The following FLRT2 variants were observed in gnomAD, a reference collection of about 807,000 sequenced individuals.
FLRT2 encodes leucine-rich repeat transmembrane protein FLRT2.
In FLRT2, 15 loss-of-function variants were observed where a neutral mutation model predicts 40.0. The ratio of observed to expected loss-of-function variants is 0.38; its 90% CI spans 0.25 to 0.58. The LOEUF (loss-of-function observed/expected upper bound fraction) is 0.58, where lower values mean the gene tolerates loss of function less well. Ranked by LOEUF, FLRT2 falls within the 20% of genes least tolerant of loss-of-function variation. The pLI is 0.71. For missense variants in FLRT2, 726 were observed against 840.0 expected, an observed-to-expected ratio of 0.86 and a Z score of 1.68; for synonymous variants, 380 against 336.8, an observed-to-expected ratio of 1.13 and a Z score of -1.41.
At position 85,535,902 on chromosome 14, in the gene FLRT2, T is replaced by G. The variant is rs945581968; in HGVS notation, c.-377+5368T>G. Among the ~76,000 whole-genome samples the G allele has an allele frequency of 8.1e-4, 60 of 74,226 alleles. No homozygotes were observed. In the East Asian group the frequency reaches 8.2e-3, roughly 10 times the overall value. The allele number at this position is 74,226 out of a possible 152,430, so 48.7% of individuals were successfully genotyped here. A position where few individuals can be genotyped will look rare whatever the true frequency, so the allele number is the denominator to read the frequency against. On this transcript the variant is annotated intron_variant, in intron 1 of 1. Coordinates refer to ENST00000330753, the MANE Select transcript of FLRT2 (RefSeq NM_013231.6). ...CATGGAAGGAATGCTGTTTTTTTTT[T>G]TTTTTTTTTTTTTTTTTTTGTTGTT... is the stretch of plus-strand genomic sequence containing the variant.
chr14:85,536,308 G>A (rs1417610811), intron 1 of FLRT2, among the ~76,000 whole-genome samples: 1 of 149,382 alleles, frequency 6.7e-6, no homozygotes, highest in Non-Finnish European at 1.5e-5. Context: ...GAGACCCAGT[G>A]TGAACATCTG....
intron 1 of FLRT2, among the ~76,000 whole-genome samples, chr14:85,599,622 C>T (rs1044999654): frequency 6.6e-6 from 1 of 152,216 alleles, no homozygotes; most frequent in African/African-American, 2.4e-5. Context: ...TACAACTAAA[C>T]AAACTTAAGT....
intron 1 of FLRT2, among the ~76,000 whole-genome samples, chr14:85,539,055 A>G (rs544227224): frequency 4.8e-4 from 73 of 152,288 alleles, no homozygotes; most frequent in African/African-American, 1.5e-3. Context: ...CATAGGGGCC[A>G]TAGAGGTTCC....
At chr14:85,556,458 A>G (rs1889970000) in intron 1 of FLRT2, among the ~76,000 whole-genome samples, 1 of 152,292 alleles carries the variant, frequency 6.6e-6, no homozygotes, top group Non-Finnish European at 1.5e-5. Context: ...GGGAGGACAC[A>G]TGTTTCTGGG....
chr14:85,599,111 A>C (rs1892269979), intron 1 of FLRT2, among the ~76,000 whole-genome samples: 1 of 151,488 alleles, frequency 6.6e-6, no homozygotes, highest in Non-Finnish European at 1.5e-5. Flanking sequence ...TAGTAGAGAC[A>C]GGTTTTCACT....
Position 85,635,989 on chromosome 14 carries a change from A to C in FLRT2, c.*12492A>C, listed in dbSNP as rs1893989815. 1 of 152,122 alleles carries C rather than the reference A, an allele frequency of 6.6e-6. No individual in the cohort carries two copies. The highest frequency in any genetic ancestry group is 1.5e-5 in the Non-Finnish European group (1 of 67,978). 9.4% of individuals were successfully genotyped at this position (152,122 alleles called of 1,614,324 possible). The stretch of plus-strand genomic sequence containing the variant: ...ACTTCCAATAATTGATAATAGTCTA[A>C]TGATTGATATTTTAAATTAATGGCT... On this transcript the variant is annotated 3_prime_UTR_variant, in exon 2 of 2. Transcript: ENST00000330753.
intron 1 of FLRT2, among the ~76,000 whole-genome samples, chr14:85,552,203 TC>T (rs1349479183): frequency 6.6e-6 from 1 of 152,218 alleles, no homozygotes; most frequent in Non-Finnish European, 1.5e-5. Context: ...ATTCTCAGAA[TC>T]TAGGGAGCTT....
chr14:85,611,878 T>C (rs1384747959), intron 1 of FLRT2, among the ~76,000 whole-genome samples: 1 of 143,450 alleles, frequency 7.0e-6, no homozygotes, highest in Non-Finnish European at 1.6e-5. Flanking sequence ...TACCTTTTCA[T>C]GTGAGGGGAG....
intron 1 of FLRT2, among the ~76,000 whole-genome samples, chr14:85,599,339 C>G (rs1360602339): frequency 6.6e-6 from 1 of 151,050 alleles, no homozygotes; most frequent in Non-Finnish European, 1.5e-5. Context: ...CATATTTTGG[C>G]TGCTGCCTCT....
chr14:85,609,510 G>A (rs1475018871), intron 1 of FLRT2, among the ~76,000 whole-genome samples: 1 of 152,222 alleles, frequency 6.6e-6, no homozygotes, highest in Non-Finnish European at 1.5e-5. Context: ...AGTTAATGGA[G>A]GTGGCTGTTT....
At chr14:85,531,825 C>A (rs1170894842) in intron 1 of FLRT2, among the ~76,000 whole-genome samples, 2 of 152,204 alleles carry the variant, frequency 1.3e-5, no homozygotes, top group African/African-American at 4.8e-5. Flanking sequence ...CATAATGCAA[C>A]AGGAACAGCG....
In FLRT2 at chr14:85,629,963, A is replaced by C. The variant is rs1893823733; in HGVS notation, c.*6466A>C. On this transcript the variant is annotated 3_prime_UTR_variant, in exon 2 of 2. Transcript: ENST00000330753. ...ATGTCTGTACCCATAGGGTGAGCTG[A>C]AAGAGCTACTAAAAGGTCTTCAGTT... 1 of 152,210 alleles carries C rather than the reference A, an allele frequency of 6.6e-6. No individual in the cohort carries two copies. Among genetic ancestry groups the C allele is most frequent in the Non-Finnish European group, 1.5e-5 (1 of 68,036 alleles). 9.4% of individuals were successfully genotyped at this position (152,210 alleles called of 1,614,324 possible).
Position 85,621,380 on chromosome 14 carries a change from C to A in FLRT2, c.-135C>A. 2.7e-6 allele frequency: 2 copies of A among 731,088 alleles called. No homozygotes were observed. Among genetic ancestry groups the A allele is most frequent in the South Asian group, 2.0e-5 (1 of 50,990 alleles). The allele number at this position is 731,088 out of a possible 1,614,324, so 45.3% of individuals were successfully genotyped here. A position where few individuals can be genotyped will look rare whatever the true frequency, so the allele number is the denominator to read the frequency against. ...ACAGCAGGGAGATTATTTTACCATA[C>A]GCCCTCAGGACGTTCCCTCTAGCTG... On this transcript the variant is annotated 5_prime_UTR_variant, in exon 2 of 2. Transcript: ENST00000330753.
At position 85,639,712 on chromosome 14, in the gene FLRT2, A is replaced by G. The variant is rs1343482047; in HGVS notation, c.*16215A>G. On this transcript the variant is annotated 3_prime_UTR_variant, in exon 2 of 2. Coordinates refer to ENST00000330753, the MANE Select transcript of FLRT2 (RefSeq NM_013231.6). ...TAAAGATGGAAACACTGAAGCCCCC[A>G]GAAAGGACTGGCTAAGCTCTTACAA... is the stretch of plus-strand genomic sequence containing the variant. 1.3e-5 allele frequency: 2 copies of G among 152,176 alleles called. No individual in the cohort carries two copies. The highest frequency in any genetic ancestry group is 4.8e-5 in the African/African-American group (2 of 41,428). The allele number at this position is 152,176 out of a possible 1,614,324, so 9.4% of individuals were successfully genotyped here. A position where few individuals can be genotyped will look rare whatever the true frequency, so the allele number is the denominator to read the frequency against.
intron 1 of FLRT2, among the ~76,000 whole-genome samples, chr14:85,618,910 A>G (rs937720734): frequency 5.9e-5 from 9 of 152,064 alleles, no homozygotes; most frequent in African/African-American, 2.2e-4. Context: ...AGATGGTTTG[A>G]AACCTGAGCT....
rs749171327 is a variant in FLRT2 at position 85,646,086 on chromosome 14, ATCAC to A, written c.*22591_*22594del. 3.9e-5 allele frequency: 6 copies of A among 152,216 alleles called. No homozygotes were observed. The highest frequency in any genetic ancestry group is 2.1e-4 in the South Asian group (1 of 4,832). The allele number at this position is 152,216 out of a possible 1,614,324, so 9.4% of individuals were successfully genotyped here. On this transcript the variant is annotated 3_prime_UTR_variant, in exon 2 of 2. Coordinates refer to ENST00000330753, the MANE Select transcript of FLRT2 (RefSeq NM_013231.6). ...ACATTATTATGGTGACCCATACAAC[ATCAC>A]TTTTAAACAGTGGATTTATTTATGG... is the stretch of plus-strand genomic sequence containing the variant.
Position 85,633,749 on chromosome 14 carries a change from C to G in FLRT2, c.*10252C>G, listed in dbSNP as rs1170543147. On this transcript the variant is annotated 3_prime_UTR_variant, in exon 2 of 2. Transcript: ENST00000330753. ...CAGGAGATCAAGATTACATTGAGCT[C>G]TGATTGTGCCACTGCACTCCAGCTT... The G allele has an allele frequency of 6.6e-6, 1 of 150,632 alleles. No homozygotes were observed. The highest frequency in any genetic ancestry group is 1.5e-5 in the Non-Finnish European group (1 of 67,842). The allele number at this position is 150,632 out of a possible 1,614,324, so 9.3% of individuals were successfully genotyped here.
chr14:85,566,031 A>G (rs1566731205), intron 1 of FLRT2, among the ~76,000 whole-genome samples: 1 of 152,186 alleles, frequency 6.6e-6, no homozygotes, highest in East Asian at 1.9e-4. Flanking sequence ...AATCATTAGA[A>G]TAAGAAACAT....
At chr14:85,561,488 C>CT (rs1890314426) in intron 1 of FLRT2, among the ~76,000 whole-genome samples, 1 of 152,176 alleles carries the variant, frequency 6.6e-6, no homozygotes, top group Non-Finnish European at 1.5e-5. Context: ...TTCAAAGAGA[C>CT]TGACTACTGG....
Sources: allele counts gnomAD v4.1 joint callset (sites outside exome capture counted in the v4.1 genomes callset), GRCh38; gene constraint gnomAD v4.1.1; transcripts MANE v1.5; gene names NCBI Gene and HGNC (gene_info 2026-07-23, HGNC 2026-07-21).